Variants in CELF2 observed in about 807,000 individuals in gnomAD.
The protein encoded by CELF2 is CUG triplet repeat RNA-binding protein 2.
Under a neutral mutation model 62.6 loss-of-function variants are expected in CELF2, and 8 were observed. The observed-to-expected ratio is 0.13, with a 90% CI of 0.07 to 0.23. The LOEUF (loss-of-function observed/expected upper bound fraction) is 0.23. Ranked by LOEUF, CELF2 falls within the 10% of genes least tolerant of loss-of-function variation. The probability of loss-of-function intolerance (pLI) is 1.00; values close to 1 mark genes in which losing one functional copy is unlikely to be tolerated. For synonymous variants in CELF2, 258 were observed against 250.0 expected (o/e 1.03, Z -0.30); for missense variants, 333 against 671.0 (o/e 0.50, Z 5.56).
chr10:10,764,193 C>T, the CELF2 span, among the ~76,000 whole-genome samples: 3 of 152,214 alleles, frequency 2.0e-5, no homozygotes, highest in Non-Finnish European at 4.4e-5. Context: ...TTATGATACA[C>T]TTTATTGTGT....
At chr10:10,528,432 G>A in the CELF2 span, among the ~76,000 whole-genome samples, 1 of 152,154 alleles carries the variant, frequency 6.6e-6, no homozygotes, top group South Asian at 2.1e-4. Flanking sequence ...AAAACAAACA[G>A]CACCTACATA....
At chr10:10,641,182 A>T in the CELF2 span, among the ~76,000 whole-genome samples, 1 of 152,244 alleles carries the variant, frequency 6.6e-6, no homozygotes, top group African/African-American at 2.4e-5. Context: ...AAGGCAGCAT[A>T]CGGTTGTGGG....
At chr10:10,522,751 G>T in the CELF2 span, among the ~76,000 whole-genome samples, 3 of 152,104 alleles carry the variant, frequency 2.0e-5, no homozygotes, top group Non-Finnish European at 2.9e-5. Context: ...TATATTTTTA[G>T]TAGAGATGGG....
intron 2 of CELF2, among the ~76,000 whole-genome samples, chr10:11,200,667 G>C (rs1158587597): frequency 3.3e-5 from 5 of 152,196 alleles, no homozygotes; most frequent in African/African-American, 1.2e-4. Context: ...TCAGACTTCT[G>C]TGCCCCTCTG....
At chr10:10,973,902 CCTG>C (rs2051041600) in intron 2 of CELF2, among the ~76,000 whole-genome samples, 1 of 152,130 alleles carries the variant, frequency 6.6e-6, no homozygotes, top group Non-Finnish European at 1.5e-5. Flanking sequence ...GCCCCAGGGT[CCTG>C]CTGCCTTGCT....
At chr10:10,684,799 T>A in the CELF2 span, among the ~76,000 whole-genome samples, 1 of 152,028 alleles carries the variant, frequency 6.6e-6, no homozygotes, top group South Asian at 2.1e-4. Context: ...CCAGCTCCCA[T>A]CCCAAGAATA....
At chr10:11,204,912 T>C (rs1241480990) in intron 2 of CELF2, among the ~76,000 whole-genome samples, 2 of 152,202 alleles carry the variant, frequency 1.3e-5, no homozygotes, top group Non-Finnish European at 2.9e-5. Flanking sequence ...GTTAAACTCG[T>C]ATAGTAGTGA....
chr10:10,922,173 C>T (rs936887594), intron 2 of CELF2, among the ~76,000 whole-genome samples: 7 of 151,992 alleles, frequency 4.6e-5, no homozygotes, highest in Admixed American at 3.9e-4. Context: ...GGTCTTCATT[C>T]TTTGGATAAC....
At chr10:11,326,681 C>T (rs1391385969) in intron 12 of CELF2, among the ~76,000 whole-genome samples, 1 of 152,106 alleles carries the variant, frequency 6.6e-6, no homozygotes, top group Non-Finnish European at 1.5e-5. Context: ...AAATATATTC[C>T]TTGTTTCATT....
At chr10:11,014,278 C>A (rs1194019528), upstream of CELF2, among the ~76,000 whole-genome samples, 1 of 152,172 alleles carries the variant, frequency 6.6e-6, no homozygotes, top group African/African-American at 2.4e-5. Flanking sequence ...GCTAGCACAT[C>A]TTTGTTCTGT....
At chr10:10,607,813 G>A in the CELF2 span, among the ~76,000 whole-genome samples, 9 of 152,120 alleles carry the variant, frequency 5.9e-5, no homozygotes, top group South Asian at 2.1e-4. Context: ...GTATCAGGCT[G>A]GGCATGGTGG....
chr10:11,025,237 G>GTATATATA (rs763592456), intron 1 of CELF2, among the ~76,000 whole-genome samples: 20 of 49,762 alleles, frequency 4.0e-4, no homozygotes, highest in African/African-American at 7.2e-4. Context: ...GTGTGTGTGT[G>GTATATATA]TGTATATGTA....
chr10:10,994,435 T>C (rs762354273), intron 2 of CELF2, among the ~76,000 whole-genome samples: 2 of 152,194 alleles, frequency 1.3e-5, no homozygotes, highest in Non-Finnish European at 1.5e-5. Context: ...TTCCTTTGCC[T>C]GATTTACAAC....
chr10:10,957,015 G>A lies in CELF2; in HGVS notation c.89+37016G>A, dbSNP rs1423990475. Among the ~76,000 whole-genome samples the A allele has an allele frequency of 5.3e-5, 8 of 152,110 alleles. No homozygotes were observed. The highest frequency in any genetic ancestry group is 8.8e-5 in the Non-Finnish European group (6 of 68,010). ...CAGGTCCTCTTAGAATGAGCCTAAC[G>A]CTGCTTCCTATAACTCCAATGAGTG... On this transcript the variant is annotated intron_variant, in intron 2 of 13. Coordinates refer to the CELF2 transcript ENST00000636488. This position sits in a 1 kb window ranked among gnomAD's most constrained non-coding sequence, Gnocchi z 4.1.
At chr10:10,682,293 A>G in the CELF2 span, among the ~76,000 whole-genome samples, 1 of 152,274 alleles carries the variant, frequency 6.6e-6, no homozygotes, top group Non-Finnish European at 1.5e-5. Context: ...GAGCACAATG[A>G]GAAATTTACA....
intron 3 of CELF2, among the ~76,000 whole-genome samples, chr10:11,236,961 C>A (rs1349305089): frequency 1.3e-5 from 2 of 152,150 alleles, no homozygotes; most frequent in East Asian, 3.9e-4. Flanking sequence ...CATGGAATTC[C>A]CTGAAATACA....
intron 1 of CELF2, among the ~76,000 whole-genome samples, chr10:11,084,791 A>C (rs1485602875): frequency 6.6e-6 from 1 of 152,204 alleles, no homozygotes; most frequent in Non-Finnish European, 1.5e-5. Flanking sequence ...AGGTCTGCCC[A>C]GAGAATGTGA....
the CELF2 span, among the ~76,000 whole-genome samples, chr10:10,761,915 T>A: frequency 1.3e-5 from 2 of 148,158 alleles, no homozygotes; most frequent in East Asian, 4.1e-4. Flanking sequence ...CGTGTGTGTG[T>A]GTGTGTGTGT....
the CELF2 span, among the ~76,000 whole-genome samples, chr10:10,564,677 C>T: frequency 7.4e-6 from 1 of 135,884 alleles, no homozygotes; most frequent in Non-Finnish European, 1.5e-5. Flanking sequence ...CACACACGCA[C>T]ACACGCACAC....
Sources: allele counts gnomAD v4.1 joint callset (sites outside exome capture counted in the v4.1 genomes callset), GRCh38; gene constraint gnomAD v4.1.1; non-coding constraint Gnocchi (gnomAD v3.1); transcripts MANE v1.5; gene names NCBI Gene and HGNC (gene_info 2026-07-23, HGNC 2026-07-21).